Variants in ABCB7 observed in about 807,000 individuals in gnomAD.
ABCB7 encodes iron-sulfur clusters transporter ABCB7, mitochondrial.
In ABCB7, 7 loss-of-function variants were observed where a neutral mutation model predicts 54.4. That is an observed-to-expected ratio of 0.13 (90% confidence interval 0.07 to 0.24). The LOEUF (loss-of-function observed/expected upper bound fraction) is 0.24, where lower values mean the gene tolerates loss of function less well. Among genes scored for constraint, ABCB7 ranks in the 10% least tolerant of loss-of-function variants. ABCB7 has a pLI of 1.00. For synonymous variants in ABCB7, 218 were observed against 207.1 expected (o/e 1.05, Z -0.45); for missense variants, 356 against 570.4 (o/e 0.62, Z 3.83).
At chrX:75,087,654 C>T (rs956682002) in intron 4 of ABCB7, among the ~76,000 whole-genome samples, 11 of 111,478 alleles carry the variant, frequency 9.9e-5, no homozygotes, top group African/African-American at 3.6e-4. Context: ...ATATGAATAA[C>T]AGACACGCAG....
chrX:75,117,908 TTCTC>T (rs1007729785), intron 1 of ABCB7, among the ~76,000 whole-genome samples: 1 of 111,987 alleles, frequency 8.9e-6, no homozygotes, highest in Non-Finnish European at 1.9e-5. Context: ...TTCCTTTCCT[TTCTC>T]TCTCTGTGTG....
At chrX:75,140,459 A>G (rs1021933887) in intron 1 of ABCB7, among the ~76,000 whole-genome samples, 1 of 111,304 alleles carries the variant, frequency 9.0e-6, no homozygotes, top group African/African-American at 3.3e-5. Flanking sequence ...ATCAAGTACC[A>G]AATATTGAAA....
Position 75,076,663 on chromosome X carries a change from AT to A in ABCB7, c.454-10del. 8.3e-7 allele frequency: 1 copy of A among 1,204,075 alleles called. No individual in the cohort carries two copies. The highest frequency in any genetic ancestry group is 1.1e-6 in the Non-Finnish European group (1 of 889,215). On this transcript the variant is annotated splice_polypyrimidine_tract_variant and intron_variant, in intron 4 of 15. Transcript: ENST00000373394. Reference sequence around the variant, plus strand: ...ACCACAATATTCATGGCCTAAAAACATAAAAACATCAATTACCCATTATACA... The same window carrying A: ...ACCACAATATTCATGGCCTAAAAACAAAAAACATCAATTACCCATTATACA...
intron 14 of ABCB7, among the ~76,000 whole-genome samples, chrX:75,061,726 G>T (rs958563194): frequency 2.7e-5 from 3 of 112,043 alleles, no homozygotes; most frequent in African/African-American, 9.7e-5. Context: ...CATTGTTGTT[G>T]AGACTTTTGT....
At chrX:75,097,606 A>C (rs1004639485) in intron 4 of ABCB7, 1 of 111,477 alleles carries the variant, frequency 9.0e-6, no homozygotes, top group Non-Finnish European at 1.9e-5. Context: ...GAAAAGAATA[A>C]GCAAATAAAG....
intron 1 of ABCB7, among the ~76,000 whole-genome samples, chrX:75,154,420 G>A (rs2082157588): frequency 1.8e-5 from 2 of 111,608 alleles, no homozygotes; most frequent in Admixed American, 1.9e-4. Context: ...AACTTCATCT[G>A]CCTTATTGGA....
At chrX:75,129,433 C>T (rs927972121) in intron 1 of ABCB7, among the ~76,000 whole-genome samples, 7 of 109,178 alleles carry the variant, frequency 6.4e-5, no homozygotes, top group Non-Finnish European at 1.3e-4. Context: ...ACATCTCACA[C>T]TGGGGCCCAT....
At chrX:75,059,881 A>G (rs766441475) in intron 15 of ABCB7, among the ~76,000 whole-genome samples, 2 of 112,182 alleles carry the variant, frequency 1.8e-5, no homozygotes, top group African/African-American at 3.2e-5. Context: ...ACAAAAACAT[A>G]TAATACAGCA....
At chrX:75,144,431 C>T (rs1262955039) in intron 1 of ABCB7, among the ~76,000 whole-genome samples, 1 of 111,494 alleles carries the variant, frequency 9.0e-6, no homozygotes, top group African/African-American at 3.3e-5. Flanking sequence ...CTAGTATCTA[C>T]TATATTAGAG....
chrX:75,102,643 T>C (rs1211427550), intron 3 of ABCB7, among the ~76,000 whole-genome samples: 1 of 111,835 alleles, frequency 8.9e-6, no homozygotes, highest in Admixed American at 9.4e-5. Context: ...TTTGATATAC[T>C]GATTACCTTT....
At chrX:75,099,303 T>C (rs749254882) in intron 3 of ABCB7, among the ~76,000 whole-genome samples, 2 of 111,935 alleles carry the variant, frequency 1.8e-5, no homozygotes, top group East Asian at 5.6e-4. Flanking sequence ...GCCACTCTCA[T>C]ATTGTTAAAA....
At chrX:75,134,197 T>G (rs755505070) in intron 1 of ABCB7, among the ~76,000 whole-genome samples, 1 of 111,445 alleles carries the variant, frequency 9.0e-6, no homozygotes, top group South Asian at 3.7e-4. Context: ...CAGACAAAAC[T>G]GACTTTAAAC....
intron 4 of ABCB7, among the ~76,000 whole-genome samples, chrX:75,088,033 C>T (rs903669128): frequency 1.8e-5 from 2 of 111,688 alleles, no homozygotes; most frequent in Non-Finnish European, 3.8e-5. Flanking sequence ...TAATGAACAA[C>T]CTCAATGTAA....
intron 1 of ABCB7, among the ~76,000 whole-genome samples, chrX:75,127,073 C>A (rs768452617): frequency 1.3e-4 from 15 of 111,555 alleles, no homozygotes; most frequent in Admixed American, 1.3e-3. Context: ...TTGGCAATAT[C>A]CTGATAACAA....
Position 75,147,944 on chromosome X carries a change from T to C in ABCB7, c.168+8161A>G, listed in dbSNP as rs2082103982. Among the ~76,000 whole-genome samples, 3 of 110,771 alleles carry C rather than the reference T, an allele frequency of 2.7e-5. No individual in the cohort carries two copies. The South Asian group carries it at 1.2e-3, about 43-fold the overall frequency. On this transcript the variant is annotated intron_variant, in intron 1 of 15. Coordinates refer to ENST00000373394, the MANE Select transcript of ABCB7 (RefSeq NM_001271696.3). Reference sequence around the variant, plus strand: ...TAGCCTGGCCAACATGGCGAAACCCTATCTCTACTAAAAATACAAAAATTA... The same window carrying C: ...TAGCCTGGCCAACATGGCGAAACCCCATCTCTACTAAAAATACAAAAATTA...
chrX:75,080,613 A>T (rs1240644508), intron 4 of ABCB7, among the ~76,000 whole-genome samples: 3 of 111,432 alleles, frequency 2.7e-5, no homozygotes, highest in Non-Finnish European at 3.8e-5. Flanking sequence ...CTGCTGTATC[A>T]TTTTACAATA....
chrX:75,149,615 G>T (rs1307318552), intron 1 of ABCB7, among the ~76,000 whole-genome samples: 1 of 111,297 alleles, frequency 9.0e-6, no homozygotes, highest in Non-Finnish European at 1.9e-5. Context: ...GTAACATACC[G>T]TGCCTAGCTC....
chrX:75,110,840 C>A (rs1000936413), intron 3 of ABCB7, among the ~76,000 whole-genome samples: 4 of 112,056 alleles, frequency 3.6e-5, no homozygotes, highest in African/African-American at 1.3e-4. Context: ...ACTGAAATTG[C>A]CACTCCTTTT....
chrX:75,124,309 C>T (rs919625390), intron 1 of ABCB7, among the ~76,000 whole-genome samples: 1 of 112,024 alleles, frequency 8.9e-6, no homozygotes, highest in Non-Finnish European at 1.9e-5. Flanking sequence ...TCTCTGGGTA[C>T]GTAACACCAA....
Sources: allele counts gnomAD v4.1 joint callset (sites outside exome capture counted in the v4.1 genomes callset), GRCh38; gene constraint gnomAD v4.1.1; transcripts MANE v1.5; gene names NCBI Gene and HGNC (gene_info 2026-07-23, HGNC 2026-07-21).